PLD5: variants seen among roughly 807,000 people sequenced by gnomAD.
PLD5 encodes the protein phospholipase D family member 5.
A neutral mutation model predicts 61.1 loss-of-function variants in PLD5; 36 were observed. That is an observed-to-expected ratio of 0.59 (90% CI 0.45 to 0.78). The LOEUF (loss-of-function observed/expected upper bound fraction) is 0.78, where lower values mean the gene tolerates loss of function less well. PLD5 is among the 30% of genes least tolerant of loss of function. The pLI is 0.00. For missense variants in PLD5, 515 were observed against 644.4 expected (o/e 0.80, Z 2.17); for synonymous variants, 243 against 242.8 (o/e 1.00, Z -0.01).
At chr1:242,180,673 T>C (rs1281406363) in intron 5 of PLD5, among the ~76,000 whole-genome samples, 4 of 152,150 alleles carry the variant, frequency 2.6e-5, no homozygotes, top group Admixed American at 1.3e-4. Context: ...TAGGTCTGTG[T>C]TGGAACTCAA....
At chr1:242,157,976 G>T (rs1409304819) in intron 5 of PLD5, among the ~76,000 whole-genome samples, 1 of 151,742 alleles carries the variant, frequency 6.6e-6, no homozygotes, top group Non-Finnish European at 1.5e-5. Flanking sequence ...TCCTGACTGG[G>T]ACTGTTGCCT....
At chr1:242,397,620 T>C (rs754333808) in intron 1 of PLD5, among the ~76,000 whole-genome samples, 1 of 152,090 alleles carries the variant, frequency 6.6e-6, no homozygotes, top group Non-Finnish European at 1.5e-5. Context: ...TGCTAATAGG[T>C]AGGACCAAGG....
intron 5 of PLD5, among the ~76,000 whole-genome samples, chr1:242,197,887 G>T (rs1668739261): frequency 6.6e-6 from 1 of 152,076 alleles, no homozygotes; most frequent in Admixed American, 6.5e-5. Flanking sequence ...GCCCACCTCG[G>T]TCTCCCAAAG....
intron 5 of PLD5, among the ~76,000 whole-genome samples, chr1:242,196,857 G>A (rs932004175): frequency 6.6e-6 from 1 of 152,102 alleles, no homozygotes; most frequent in African/African-American, 2.4e-5. Context: ...CTGTATACAC[G>A]CACATCTGTG....
rs145513047 is a variant in PLD5, at chr1:242,380,980, G to C, written c.190-32738C>G. Among the ~76,000 whole-genome samples, 869 of 152,312 alleles carry C rather than the reference G, an allele frequency of 5.7e-3. 3 individuals carry two copies. Among genetic ancestry groups the C allele is most frequent in the Non-Finnish European group, 9.7e-3 (659 of 68,020 alleles). On this transcript the variant is annotated intron_variant, in intron 1 of 9. Transcript: ENST00000536534. ...ATAAATTAGTTCAACCATTGCGGAA[G>C]ACAGTGTGACAATTCCTCAAAGATC...
intron 2 of PLD5, among the ~76,000 whole-genome samples, chr1:242,332,114 C>T (rs1418651776): frequency 6.6e-6 from 1 of 152,074 alleles, no homozygotes; most frequent in Non-Finnish European, 1.5e-5. Context: ...TCAACTCCCA[C>T]TTATGAGTGA....
At chr1:242,526,190 C>T (rs890078661), upstream of PLD5, among the ~76,000 whole-genome samples, 1 of 152,062 alleles carries the variant, frequency 6.6e-6, no homozygotes, top group Non-Finnish European at 1.5e-5. Context: ...ATCACTTGAT[C>T]CCAGGAGTTC....
At chr1:242,173,374 C>G (rs1265281478) in intron 5 of PLD5, among the ~76,000 whole-genome samples, 2 of 152,158 alleles carry the variant, frequency 1.3e-5, no homozygotes, top group African/African-American at 4.8e-5. Context: ...AGGAGAACTA[C>G]AAACCACTGT....
Position 242,426,260 on chromosome 1 carries a change from A to C in PLD5, c.190-78018T>G, listed in dbSNP as rs190456519. 3.2e-3 allele frequency among the ~76,000 whole-genome samples: 481 copies of C among 149,332 alleles called. 2 individuals carry two copies. Among genetic ancestry groups the C allele is most frequent in the African/African-American group, 0.011 (460 of 40,312 alleles). On this transcript the variant is annotated intron_variant, in intron 1 of 9. Coordinates refer to ENST00000536534, the MANE Select transcript of PLD5 (RefSeq NM_001372062.1). ...AGAGCTGTCAACTGATATAACAATG[A>C]CTTCTTCTGAAATACCTCCTGGAGG... is the stretch of plus-strand genomic sequence containing the variant.
Position 242,096,398 on chromosome 1 carries a change from A to G in PLD5, c.1354+4270T>C, listed in dbSNP as rs576436333. ...GCTCTGCCACCCAGGCTGGAGTGCA[A>G]TGGCGCAATCTTGGTTCACCGCAAC... On this transcript the variant is annotated intron_variant, in intron 9 of 9. Transcript: ENST00000536534. 1.9e-4 allele frequency among the ~76,000 whole-genome samples: 29 copies of G among 151,438 alleles called. No homozygotes were observed. The East Asian group carries it at 5.3e-3, about 28-fold the overall frequency.
chr1:242,491,153 C>T (rs75594314), intron 1 of PLD5, among the ~76,000 whole-genome samples: 1,862 of 152,208 alleles, frequency 0.012, 43 homozygotes, highest in African/African-American at 0.042. Context: ...CTTTAATATT[C>T]GTTCATTTTC....
chr1:242,478,345 T>C (rs75595255), intron 1 of PLD5, among the ~76,000 whole-genome samples: 9,413 of 152,068 alleles, frequency 0.062, 355 homozygotes, highest in African/African-American at 0.073. Flanking sequence ...CACTGGAGCC[T>C]AGAAATTCCA....
intron 4 of PLD5, among the ~76,000 whole-genome samples, chr1:242,226,067 C>T (rs1212300033): frequency 1.4e-4 from 22 of 152,126 alleles, no homozygotes; most frequent in Admixed American, 1.4e-3. Flanking sequence ...AAAGTTTTTC[C>T]TTTAAATATT....
intron 2 of PLD5, among the ~76,000 whole-genome samples, chr1:242,339,046 C>A (rs1382683294): frequency 6.6e-6 from 1 of 152,058 alleles, no homozygotes; most frequent in Non-Finnish European, 1.5e-5. Context: ...ATAGTCTTTA[C>A]ATATATAATG....
intron 5 of PLD5, among the ~76,000 whole-genome samples, chr1:242,147,281 C>T (rs551976306): frequency 6.6e-6 from 1 of 152,134 alleles, no homozygotes; most frequent in African/African-American, 2.4e-5. Flanking sequence ...CCCTTGGTAT[C>T]CTGCTTCTTT....
intron 9 of PLD5, among the ~76,000 whole-genome samples, chr1:242,092,323 G>A (rs1003230516): frequency 6.6e-6 from 1 of 152,030 alleles, no homozygotes; most frequent in Non-Finnish European, 1.5e-5. Context: ...TATTTATATG[G>A]TTGGTGGGAC....
At chr1:242,394,443 TGTGTATATGA>T (rs1558526249) in intron 1 of PLD5, among the ~76,000 whole-genome samples, 1 of 103,388 alleles carries the variant, frequency 9.7e-6, no homozygotes, top group Non-Finnish European at 1.9e-5. Context: ...AGTATATATG[TGTGTATATGA>T]GTATATATGT....
chr1:242,443,978 A>C (rs1270527871), intron 1 of PLD5, among the ~76,000 whole-genome samples: 1 of 152,112 alleles, frequency 6.6e-6, no homozygotes, highest in Non-Finnish European at 1.5e-5. Flanking sequence ...CTTCTCACCT[A>C]ATGGGACCTG....
chr1:242,221,610 T>C (rs1670592851), intron 4 of PLD5, among the ~76,000 whole-genome samples: 1 of 152,166 alleles, frequency 6.6e-6, no homozygotes, highest in African/African-American at 2.4e-5. Flanking sequence ...CCCAGGCAGA[T>C]TTTCTCTGAG....
Sources: allele counts gnomAD v4.1 joint callset (sites outside exome capture counted in the v4.1 genomes callset), GRCh38; gene constraint gnomAD v4.1.1; transcripts MANE v1.5; gene names NCBI Gene and HGNC (gene_info 2026-07-23, HGNC 2026-07-21).